Variants in LYZL2 observed in about 807,000 individuals in gnomAD.
The protein encoded by LYZL2 is lysozyme like 2, also known as lysozyme-like protein 2.
Under a neutral mutation model 17.1 loss-of-function variants are expected in LYZL2, and 13 were observed. That is an observed-to-expected ratio of 0.76 (90% CI 0.49 to 1.21). LYZL2 has a LOEUF of 1.21. LYZL2 is among the 50% of genes most tolerant of loss of function. The pLI, the probability that LYZL2 is intolerant of heterozygous loss-of-function variation, is 0.00. For synonymous variants in LYZL2, 63 were observed against 74.4 expected (o/e 0.85, Z 0.79); for missense variants, 166 against 189.2 (o/e 0.88, Z 0.72).
In LYZL2 at chr10:30,612,997, G is replaced by A. The variant is rs542072764; in HGVS notation, c.299-97C>T. 4.3e-5 allele frequency: 38 copies of A among 890,262 alleles called. No homozygotes were observed. The African/African-American group carries it at 5.6e-4, about 13-fold the overall frequency. 55.1% of individuals were successfully genotyped at this position (890,262 alleles called of 1,614,324 possible). On this transcript the variant is annotated intron_variant, in intron 3 of 4. Transcript: ENST00000647634. ...TCATTTTTCTCAGTCTTTTTGGGAT[G>A]GGAAGGTTGGAAGAACTATAATTTT... is the stretch of plus-strand genomic sequence containing the variant.
intron 1 of LYZL2, 127 bp from the exon 2 acceptor site, chr10:30,627,067 G>C: frequency 7.4e-7 from 1 of 1,351,912 alleles, no homozygotes; most frequent in South Asian, 1.5e-5. Flanking sequence ...CCACCATCAG[G>C]GAAAACCGGC....
intron 3 of LYZL2, among the ~76,000 whole-genome samples, chr10:30,623,594 C>T (rs367907069): frequency 5.9e-5 from 9 of 152,076 alleles, no homozygotes; most frequent in East Asian, 3.9e-4. Context: ...CTGTGAACTG[C>T]GCTTGCAAGG....
downstream of LYZL2, among the ~76,000 whole-genome samples, chr10:30,607,962 C>T (rs373982010): frequency 6.6e-6 from 1 of 152,144 alleles, no homozygotes; most frequent in Admixed American, 6.5e-5. Flanking sequence ...AATTAGCCTA[C>T]GTATCTTGCT....
chr10:30,629,662 C>T lies in LYZL2; in HGVS notation c.-95G>A, dbSNP rs771142297. 7 of 1,614,204 alleles carry T rather than the reference C, an allele frequency of 4.3e-6. No homozygotes were observed. Among genetic ancestry groups the T allele is most frequent in the South Asian group, 3.3e-5 (3 of 91,078 alleles). On this transcript the variant is annotated 5_prime_UTR_variant, in exon 1 of 5. Transcript: ENST00000647634. Reference sequence around the variant, plus strand: ...AGTTGAGTCTGCGGAAGAAACACTGCTCCACTTAGTCGGTGACAGGCAGCT... The same window carrying T: ...AGTTGAGTCTGCGGAAGAAACACTGTTCCACTTAGTCGGTGACAGGCAGCT...
intron 3 of LYZL2, among the ~76,000 whole-genome samples, chr10:30,617,199 TG>T (rs1838542097): frequency 6.6e-6 from 1 of 152,218 alleles, no homozygotes; most frequent in South Asian, 2.1e-4. Context: ...ACATTTGTAC[TG>T]GGGGCAGGGC....
chr10:30,627,566 A>C (rs192676843), intron 1 of LYZL2, among the ~76,000 whole-genome samples: 34 of 152,046 alleles, frequency 2.2e-4, no homozygotes, highest in Non-Finnish European at 3.1e-4. Context: ...CTTCCTTATG[A>C]TTTTCTTAAT....
At chr10:30,609,126 A>G (rs1838405763), downstream of LYZL2, among the ~76,000 whole-genome samples, 1 of 152,210 alleles carries the variant, frequency 6.6e-6, no homozygotes. Flanking sequence ...GGCTTGAGTC[A>G]TTGTGCCTGG....
At chr10:30,626,440 A>T (rs1203865721) in intron 2 of LYZL2, among the ~76,000 whole-genome samples, 177 bp from the exon 3 acceptor site, 2 of 152,208 alleles carry the variant, frequency 1.3e-5, no homozygotes, top group African/African-American at 4.8e-5. Context: ...AGGGGCTGGG[A>T]TGGCACACCT....
chr10:30,622,953 G>A (rs1158674699), intron 3 of LYZL2, among the ~76,000 whole-genome samples: 1 of 152,162 alleles, frequency 6.6e-6, no homozygotes, highest in African/African-American at 2.4e-5. Context: ...TAGAAGGATG[G>A]AAAGAAACAT....
At chr10:30,622,569 A>AG (rs1838641567) in intron 3 of LYZL2, among the ~76,000 whole-genome samples, 1 of 151,310 alleles carries the variant, frequency 6.6e-6, no homozygotes, top group Admixed American at 6.6e-5. Flanking sequence ...AAAAAGAAAA[A>AG]AAAAGAAAAA....
chr10:30,622,705 T>C (rs1435990759), intron 3 of LYZL2, among the ~76,000 whole-genome samples: 3 of 152,238 alleles, frequency 2.0e-5, no homozygotes, highest in African/African-American at 7.2e-5. Context: ...CATTCATTTA[T>C]ATACTTTCTA....
intron 1 of LYZL2, among the ~76,000 whole-genome samples, chr10:30,627,744 A>G (rs1838738179): frequency 6.6e-6 from 1 of 152,162 alleles, no homozygotes; most frequent in African/African-American, 2.4e-5. Flanking sequence ...CAGATTTTCA[A>G]CTGAGCAGGC....
downstream of LYZL2, chr10:30,611,702 AAAAG>A (rs374528139): frequency 0.11 from 41,757 of 391,374 alleles, 3,025 homozygotes; most frequent in African/African-American, 0.2. Context: ...GAAAGAAAGA[AAAAG>A]AAAGAAAGAA....
chr10:30,606,347 A>T, the LYZL2 span, among the ~76,000 whole-genome samples: 1 of 134,084 alleles, frequency 7.5e-6, no homozygotes, highest in Admixed American at 8.0e-5. Flanking sequence ...TAGAATAATA[A>T]TTACTTTTTT....
At chr10:30,611,611 G>T (rs1838441428), downstream of LYZL2, among the ~76,000 whole-genome samples, 1 of 140,476 alleles carries the variant, frequency 7.1e-6, no homozygotes, top group Admixed American at 7.4e-5. Context: ...AAGAAAGAAA[G>T]AAAGAGAAAG....
rs1165550893 is a variant in LYZL2, at chr10:30,617,674, CAAAAAAA to C, written c.299-4781_299-4775del. 5.0e-4 allele frequency among the ~76,000 whole-genome samples: 25 copies of C among 50,212 alleles called. No individual in the cohort carries two copies. The East Asian group carries it at 0.018, about 37-fold the overall frequency. The allele number at this position is 50,212 out of a possible 152,430, so 32.9% of individuals were successfully genotyped here. A position where few individuals can be genotyped will look rare whatever the true frequency, so the allele number is the denominator to read the frequency against. ...TGGGTGACAGAGTGAGACTCTGTCT[CAAAAAAA>C]AAAAAAAAAAAAAAAAAGAAAAGAA... On this transcript the variant is annotated intron_variant, in intron 3 of 4. Transcript: ENST00000647634.
In LYZL2 at chr10:30,626,098, G is replaced by T; in HGVS notation, c.298+7C>A. On this transcript the variant is annotated splice_region_variant and intron_variant, in intron 3 of 4. Coordinates refer to ENST00000647634, the MANE Select transcript of LYZL2 (RefSeq NM_183058.3). The stretch of plus-strand genomic sequence containing the variant: ...AGGATGGCATCACTGGAAAGTCAGA[G>T]CCTCACCTGAGCAGGCGACGTGGCA... 6.2e-7 allele frequency: 1 copy of T among 1,612,688 alleles called. No individual in the cohort carries two copies. Among genetic ancestry groups the T allele is most frequent in the Non-Finnish European group, 8.5e-7 (1 of 1,179,100 alleles).
downstream of LYZL2, among the ~76,000 whole-genome samples, chr10:30,609,092 G>A (rs1588671104): frequency 6.6e-6 from 1 of 152,148 alleles, no homozygotes; most frequent in Non-Finnish European, 1.5e-5. Context: ...TCCTGCCTTG[G>A]CATCCTACAG....
intron 3 of LYZL2, among the ~76,000 whole-genome samples, chr10:30,615,964 A>G (rs977028315): frequency 6.6e-6 from 1 of 152,214 alleles, no homozygotes; most frequent in Non-Finnish European, 1.5e-5. Context: ...CAATGCTTTT[A>G]TGTCTTTACT....
Sources: allele counts gnomAD v4.1 joint callset (sites outside exome capture counted in the v4.1 genomes callset), GRCh38; gene constraint gnomAD v4.1.1; transcripts MANE v1.5; gene names NCBI Gene and HGNC (gene_info 2026-07-23, HGNC 2026-07-21).